Variants in AP2A2 observed in about 807,000 individuals in gnomAD.
AP2A2 encodes the protein AP-2 complex subunit alpha-2.
In AP2A2, 32 loss-of-function variants were observed where a neutral mutation model predicts 104.2. The ratio of observed to expected loss-of-function variants is 0.31; its 90% CI spans 0.23 to 0.41. AP2A2 has a LOEUF of 0.41. AP2A2 is among the 10% of genes least tolerant of loss of function. AP2A2 has a pLI of 1.00. For missense variants in AP2A2, 912 were observed against 1,261.0 expected, an observed-to-expected ratio of 0.72 and a Z score of 4.19; for synonymous variants, 539 against 533.3, an observed-to-expected ratio of 1.01 and a Z score of -0.15.
At chr11:955,880 G>A (rs553290531) in intron 1 of AP2A2, among the ~76,000 whole-genome samples, 17 of 152,220 alleles carry the variant, frequency 1.1e-4, no homozygotes, top group Non-Finnish European at 2.1e-4. Context: ...GCAGGGGTGA[G>A]CTCTTTGTCC....
At chr11:990,467 A>G (rs924840568) in intron 10 of AP2A2, among the ~76,000 whole-genome samples, 1 of 152,198 alleles carries the variant, frequency 6.6e-6, no homozygotes, top group South Asian at 2.1e-4. Flanking sequence ...TGTTTTGAAC[A>G]GAGACAGAAG....
chr11:937,983 C>T (rs1343788887), intron 1 of AP2A2, among the ~76,000 whole-genome samples: 2 of 152,190 alleles, frequency 1.3e-5, no homozygotes, highest in African/African-American at 4.8e-5. Flanking sequence ...CCTCTGATTG[C>T]CTGGAGCACC....
At position 993,690 on chromosome 11, in the gene AP2A2, C is replaced by CG. The variant is rs1367349801; in HGVS notation, c.1551-59dup. 7.6e-7 allele frequency: 1 copy of CG among 1,308,914 alleles called. No individual in the cohort carries two copies. The highest frequency in any genetic ancestry group is 1.1e-6 in the Non-Finnish European group (1 of 950,206). The allele number at this position is 1,308,914 out of a possible 1,614,324, so 81.1% of individuals were successfully genotyped here. ...GGGTCTCGCCGCCGTCCCCCCCCCGCGGGGGCGTGCTGCAGCCTGCGAGGG... is the reference window on the plus strand; with the variant it reads ...GGGTCTCGCCGCCGTCCCCCCCCCGCGGGGGGCGTGCTGCAGCCTGCGAGGG... On this transcript the variant is annotated intron_variant, in intron 12 of 21. Coordinates refer to ENST00000448903, the MANE Select transcript of AP2A2 (RefSeq NM_012305.4). This position sits in a 1 kb window ranked among gnomAD's most constrained non-coding sequence, Gnocchi z 8.2.
intron 1 of AP2A2, among the ~76,000 whole-genome samples, chr11:926,411 T>G (rs1589934131): frequency 7.2e-6 from 1 of 139,256 alleles, no homozygotes; most frequent in African/African-American, 2.8e-5. Context: ...GGTCTAGGGG[T>G]GCGGGGTCTA....
rs755337237 is a variant in AP2A2, at chr11:926,070, A to G, written c.49A>G (p.Ile17Val). Reference protein sequence around the residue: ...GDGMRGLAVFISDIRNCKSKE... With the variant: ...GDGMRGLAVFVSDIRNCKSKE... ...CGGGATGCGGGGCCTGGCGGTCTTC[A>G]TCTCGGATATCCGCAACTGTGAGTG... The change falls in exon 1 of 22, where the codon ATC (isoleucine) becomes GTC (valine). Residue 17 changes from isoleucine (I) to valine (V), a missense_variant. Physicochemically the swap from Ile to Val is conservative, Grantham distance 29 (BLOSUM62 3). Around this residue, in one of 7 missense-constraint regions of AP2A2, gnomAD observed 43 missense variants for 47.0 expected, o/e 0.91. Transcript: ENST00000448903. 2.2e-6 allele frequency: 3 copies of G among 1,366,518 alleles called. No homozygotes were observed. The highest frequency in any genetic ancestry group is 2.9e-6 in the Non-Finnish European group (3 of 1,049,022). 84.6% of individuals were successfully genotyped at this position (1,366,518 alleles called of 1,614,324 possible).
chr11:949,688 G>C (rs1853973135), intron 1 of AP2A2, among the ~76,000 whole-genome samples: 1 of 151,412 alleles, frequency 6.6e-6, no homozygotes, highest in African/African-American at 2.4e-5. Context: ...GGCAGGAGAA[G>C]TGCTAGAACC....
chr11:995,287 T>C (rs1404929651), intron 14 of AP2A2: 2 of 455,754 alleles, frequency 4.4e-6, no homozygotes, highest in Non-Finnish European at 8.8e-6. Context: ...CTTGTATGTG[T>C]GATGCGATGA....
At chr11:973,987 G>C (rs1030239309) in intron 4 of AP2A2, among the ~76,000 whole-genome samples, 2 of 152,250 alleles carry the variant, frequency 1.3e-5, no homozygotes, top group Non-Finnish European at 2.9e-5. Flanking sequence ...GCAGATTGAT[G>C]AAGTGGGGCA....
At chr11:970,774 G>T (rs572525552) in intron 3 of AP2A2, among the ~76,000 whole-genome samples, 2 of 152,358 alleles carry the variant, frequency 1.3e-5, no homozygotes, top group Non-Finnish European at 1.5e-5. Flanking sequence ...GTCCCAAGTA[G>T]ACCCGTCCCG....
chr11:1,007,606 G>T, intron 17 of AP2A2: 1 of 263,574 alleles, frequency 3.8e-6, no homozygotes. Flanking sequence ...CCTGGTCCCA[G>T]CAGGGCAGGC....
chr11:983,304 C>T (rs777248724), intron 6 of AP2A2, among the ~76,000 whole-genome samples: 46 of 152,036 alleles, frequency 3.0e-4, no homozygotes, highest in Non-Finnish European at 5.4e-4. Flanking sequence ...GCATTATAGG[C>T]ATGAGACACC....
intron 3 of AP2A2, among the ~76,000 whole-genome samples, chr11:970,847 C>T (rs72850167): frequency 0.086 from 13,064 of 152,298 alleles, 830 homozygotes; most frequent in South Asian, 0.24. Context: ...GGTCTTGGTG[C>T]GGAGGGTGCT....
At chr11:939,586 A>T (rs188497547) in intron 1 of AP2A2, among the ~76,000 whole-genome samples, 1 of 152,072 alleles carries the variant, frequency 6.6e-6, no homozygotes, top group South Asian at 2.1e-4. Flanking sequence ...CTGGGCTTAC[A>T]GGAGCCTGCC....
chr11:991,389 C>T (rs1376170346), intron 10 of AP2A2, among the ~76,000 whole-genome samples: 1 of 152,152 alleles, frequency 6.6e-6, no homozygotes, highest in Non-Finnish European at 1.5e-5. Flanking sequence ...GCATTACACT[C>T]CTGGGGGGCT....
At chr11:987,149 G>A (rs1054560656) in intron 9 of AP2A2, among the ~76,000 whole-genome samples, 196 bp downstream of exon 9, 2 of 152,244 alleles carry the variant, frequency 1.3e-5, no homozygotes, top group African/African-American at 4.8e-5. Context: ...AGATGGCCGG[G>A]TTGGCCCTGC....
At chr11:937,080 G>A (rs991273049) in intron 1 of AP2A2, among the ~76,000 whole-genome samples, 2 of 152,056 alleles carry the variant, frequency 1.3e-5, no homozygotes, top group Middle Eastern at 3.2e-3. Context: ...GAGTGCAGTG[G>A]CGCGATCTCA....
intron 8 of AP2A2, among the ~76,000 whole-genome samples, chr11:986,288 C>G (rs554958480): frequency 1.1e-3 from 169 of 152,382 alleles, no homozygotes; most frequent in Non-Finnish European, 1.7e-3. Flanking sequence ...GAGAGTCACA[C>G]TTCAGAACTG....
At chr11:994,886 G>A (rs1855798891) in intron 14 of AP2A2, among the ~76,000 whole-genome samples, 1 of 130,280 alleles carries the variant, frequency 7.7e-6, no homozygotes, top group African/African-American at 2.9e-5. Flanking sequence ...CCTGTCCCGG[G>A]GGCCACTGTC....
chr11:1,010,361 C>T (rs556861351), intron 21 of AP2A2, 187 bp from the exon 22 acceptor site: 15 of 598,130 alleles, frequency 2.5e-5, no homozygotes, highest in South Asian at 4.2e-5. Context: ...AGACGCCAGG[C>T]GCTCCCATGC....
Sources: gnomAD v4.1 joint callset for allele counts (sites outside exome capture counted in the v4.1 genomes callset) on GRCh38, gnomAD v4.1.1 for gene constraint, gnomAD v4.1.1 regional missense constraint, Gnocchi (gnomAD v3.1) non-coding constraint, MANE v1.5 for transcripts, NCBI Gene and HGNC (gene_info 2026-07-23, HGNC 2026-07-21) for gene names.